Variants in MBD1 observed in about 807,000 individuals in gnomAD.
MBD1 encodes the protein methyl-CpG-binding domain protein 1.
A neutral mutation model predicts 82.6 loss-of-function variants in MBD1; 25 were observed. The observed-to-expected ratio is 0.30, with a 90% confidence interval of 0.22 to 0.42. The LOEUF (loss-of-function observed/expected upper bound fraction) is 0.42. Among genes scored for constraint, MBD1 ranks in the 10% least tolerant of loss-of-function variants. MBD1 has a pLI of 1.00. For synonymous variants in MBD1, 301 were observed against 303.7 expected (o/e 0.99, Z 0.09); for missense variants, 627 against 819.6 (o/e 0.76, Z 2.87).
At chr18:50,277,665 C>A (rs975704766) in intron 2 of MBD1, among the ~76,000 whole-genome samples, 1 of 151,862 alleles carries the variant, frequency 6.6e-6, no homozygotes, top group Non-Finnish European at 1.5e-5. Flanking sequence ...TTTTGGGACC[C>A]CCATGGGTTT....
intron 15 of MBD1, 148 bp from the exon 16 acceptor site, chr18:50,271,688 C>T: frequency 4.6e-6 from 4 of 867,630 alleles, no homozygotes; most frequent in South Asian, 1.5e-5. Flanking sequence ...TAAAAACTAC[C>T]ATTATAGACA....
At chr18:50,267,798 C>T (rs1009386922), downstream of MBD1, 9 of 649,760 alleles carry the variant, frequency 1.4e-5, no homozygotes, top group Admixed American at 4.3e-5. Context: ...AATGTGTATG[C>T]CCTCTTAAGG....
At chr18:50,280,867 G>A (rs973222022) in intron 1 of MBD1, among the ~76,000 whole-genome samples, 2 of 151,878 alleles carry the variant, frequency 1.3e-5, no homozygotes, top group Non-Finnish European at 2.9e-5. Context: ...TCTCCCCTCA[G>A]CATTCCGAAC....
chr18:50,281,565 G>A, upstream of MBD1: 1 of 574,512 alleles, frequency 1.7e-6, no homozygotes, highest in South Asian at 2.2e-5. Flanking sequence ...CTCCGCCTCT[G>A]GCTAAGCACC....
chr18:50,268,841 G>T, downstream of MBD1: 1 of 886,120 alleles, frequency 1.1e-6, no homozygotes, highest in Non-Finnish European at 1.4e-6. Flanking sequence ...CACTAAGCAT[G>T]TAAGTAAGTG....
Position 50,273,802 on chromosome 18 carries a change from T to G in MBD1, c.1208A>C (p.Tyr403Ser). 6.2e-7 allele frequency: 1 copy of G among 1,613,882 alleles called. No individual in the cohort carries two copies. The highest frequency in any genetic ancestry group is 1.1e-5 in the South Asian group (1 of 91,078). Residue 403 changes from tyrosine to serine, a missense_variant, in exon 12 of 17, where the codon TAC becomes TCC. By Grantham distance (144) the Tyr-to-Ser change is moderately radical. This residue lies in a region of MBD1 where 265 missense variants were observed against 278.4 expected (regional missense o/e 0.95). Transcript: ENST00000269468. ...SEDGAGSPPP[Y>S]RRRKRPSSAR... ...AGAGCTGGGCCTCTTTCGACGACGGTAAGGTGGGGGCGATCCTGCCCCATC... is the reference window on the plus strand; with the variant it reads ...AGAGCTGGGCCTCTTTCGACGACGGGAAGGTGGGGGCGATCCTGCCCCATC...
intron 6 of MBD1, 89 bp from the exon 7 acceptor site, chr18:50,276,070 C>T (rs2037749382): frequency 6.6e-7 from 1 of 1,522,952 alleles, no homozygotes. Flanking sequence ...GCTGGCATCA[C>T]CATGAATTTT....
intron 11 of MBD1, 139 bp downstream of exon 11, chr18:50,274,047 A>T: frequency 7.3e-7 from 1 of 1,379,178 alleles, no homozygotes; most frequent in South Asian, 1.2e-5. Flanking sequence ...AGACTCATTA[A>T]GCCAAGAACA....
chr18:50,272,408 A>G, intron 15 of MBD1: 1 of 501,018 alleles, frequency 2.0e-6, no homozygotes, highest in Admixed American at 3.2e-5. Flanking sequence ...CAGACTCCCT[A>G]TCTTTTTCTT....
At chr18:50,267,314 C>T (rs1023548774), downstream of MBD1, 4 of 423,814 alleles carry the variant, frequency 9.4e-6, no homozygotes, top group Non-Finnish European at 1.7e-5. Context: ...CTCAGGGAGC[C>T]TAAGTGCCTT....
downstream of MBD1, among the ~76,000 whole-genome samples, chr18:50,268,321 T>C (rs1330184843): frequency 6.6e-6 from 1 of 152,232 alleles, no homozygotes; most frequent in Non-Finnish European, 1.5e-5. Flanking sequence ...TCTGAGGCGA[T>C]GGGGTAAACC....
chr18:50,277,085 A>C lies in MBD1; in HGVS notation c.225+5T>G, dbSNP rs1270891466. ...CCTACCTAGGTATCTCATGTTGTGA[A>C]GTACCTTGGGGGCTGGATAGCACAA... On this transcript the variant is annotated splice_donor_5th_base_variant and intron_variant, in intron 3 of 16. Coordinates refer to ENST00000269468, the MANE Select transcript of MBD1 (RefSeq NM_015846.4). 9.9e-6 allele frequency: 16 copies of C among 1,613,858 alleles called. No homozygotes were observed. Among genetic ancestry groups the C allele is most frequent in the Non-Finnish European group, 1.4e-5 (16 of 1,179,808 alleles).
intron 5 of MBD1, 72 bp from the exon 6 acceptor site, chr18:50,276,490 G>T: frequency 1.3e-6 from 2 of 1,518,446 alleles, no homozygotes; most frequent in Non-Finnish European, 1.8e-6. Flanking sequence ...CACTGCCTGT[G>T]CCCTGACTTC....
intron 3 of MBD1, 28 bp downstream of exon 3, chr18:50,277,062 T>C (rs895507669): frequency 1.2e-6 from 2 of 1,612,298 alleles, no homozygotes; most frequent in Middle Eastern, 1.7e-4. Context: ...CATCCACCCC[T>C]ACCTAGGTAT....
chr18:50,274,362 G>C lies in MBD1; in HGVS notation c.979-9C>G. 3 of 1,610,456 alleles carry C rather than the reference G, an allele frequency of 1.9e-6. No individual in the cohort carries two copies. The highest frequency in any genetic ancestry group is 2.5e-6 in the Non-Finnish European group (3 of 1,179,058). ...CGGTTCGTGTAGGGCTGCTGGGGTG[G>C]GGGGAATGGGTGGTGCTGTCAACTA... On this transcript the variant is annotated splice_polypyrimidine_tract_variant and intron_variant, in intron 10 of 16. Coordinates refer to ENST00000269468, the MANE Select transcript of MBD1 (RefSeq NM_015846.4).
chr18:50,268,396 G>A (rs2034212561), downstream of MBD1, among the ~76,000 whole-genome samples: 4 of 152,364 alleles, frequency 2.6e-5, no homozygotes, highest in South Asian at 8.3e-4. Flanking sequence ...CTCACCCTGG[G>A]CGAGCTCCGA....
Position 50,279,905 on chromosome 18 carries a change from G to A in MBD1, c.88C>T (p.Arg30Cys), listed in dbSNP as rs757273205. Residue 30 changes from arginine to cysteine, a missense_variant, in exon 2 of 17, where the codon CGC (arginine) becomes TGC (cysteine). Around this residue, in one of 6 missense-constraint regions of MBD1, gnomAD observed 42 missense variants for 90.4 expected, o/e 0.46. Transcript: ENST00000269468. ...VFRKSGATCG[R>C]SDTYYQSPTG... ...TACCTCTGGTAATAGGTGTCTGAGC[G>A]TCCACAGGTGGCCCCTGACTTGCGA... The A allele has an allele frequency of 3.1e-6, 5 of 1,613,952 alleles. No individual in the cohort carries two copies. Among genetic ancestry groups the A allele is most frequent in the Middle Eastern group, 1.6e-4 (1 of 6,062 alleles).
chr18:50,267,673 A>T (rs909381290), downstream of MBD1: 1 of 1,533,148 alleles, frequency 6.5e-7, no homozygotes, highest in Non-Finnish European at 8.7e-7. Context: ...CCTAAAAGCC[A>T]ATTAAGAATG....
intron 13 of MBD1, 157 bp downstream of exon 13, chr18:50,273,177 G>A: frequency 7.9e-7 from 1 of 1,263,162 alleles, no homozygotes; most frequent in Non-Finnish European, 1.1e-6. Flanking sequence ...TTGCCTGTGG[G>A]AGGTAGGGTG....
Sources: allele counts gnomAD v4.1 joint callset (sites outside exome capture counted in the v4.1 genomes callset), GRCh38; gene constraint gnomAD v4.1.1; regional missense constraint gnomAD v4.1.1; transcripts MANE v1.5; gene names NCBI Gene and HGNC (gene_info 2026-07-23, HGNC 2026-07-21).